Variants in ZNF485 observed in about 807,000 individuals in gnomAD.
ZNF485 encodes the protein zinc finger protein 485, also known as Zinc finger protein 93 (Zinc finger protein HTF34).
A neutral mutation model predicts 10.8 loss-of-function variants in ZNF485; 9 were observed. The ratio of observed to expected loss-of-function variants is 0.83; its 90% CI spans 0.50 to 1.45. The LOEUF is 1.45. ZNF485 is among the 40% of genes most tolerant of loss of function. The pLI, the probability that ZNF485 is intolerant of heterozygous loss-of-function variation, is 0.00. For synonymous variants in ZNF485, 187 were observed against 181.0 expected (o/e 1.03, Z -0.27); for missense variants, 487 against 528.0 (o/e 0.92, Z 0.76).
intron 4 of ZNF485, among the ~76,000 whole-genome samples, chr10:43,610,109 C>T (rs1031825186): frequency 1.3e-5 from 2 of 152,162 alleles, no homozygotes; most frequent in African/African-American, 4.8e-5. Flanking sequence ...CAGGTAATTG[C>T]GATTTTTGGC....
chr10:43,606,482 G>T lies in ZNF485; in HGVS notation c.-119G>T. The T allele has an allele frequency of 5.2e-6, 2 of 387,684 alleles. No homozygotes were observed. The highest frequency in any genetic ancestry group is 3.9e-5 in the Admixed American group (1 of 25,682). 24.0% of individuals were successfully genotyped at this position (387,684 alleles called of 1,614,324 possible). A position where few individuals can be genotyped will look rare whatever the true frequency, so the allele number is the denominator to read the frequency against. On this transcript the variant is annotated 5_prime_UTR_variant, in exon 1 of 5. Transcript: ENST00000361807. Reference sequence around the variant, plus strand: ...AGCCCCTGGCTGGTGGTTACTGTCCGAACGGCGTGGTGTGGTCGCTGACTC... The same window carrying T: ...AGCCCCTGGCTGGTGGTTACTGTCCTAACGGCGTGGTGTGGTCGCTGACTC...
rs1588841309 is a variant in ZNF485, at chr10:43,613,376, T to C, written c.248-2915T>C. 3.6e-5 allele frequency among the ~76,000 whole-genome samples: 5 copies of C among 138,158 alleles called. No homozygotes were observed. The South Asian group carries it at 1.1e-3, about 32-fold the overall frequency. 90.6% of individuals were successfully genotyped at this position (138,158 alleles called of 152,430 possible). On this transcript the variant is annotated intron_variant, in intron 4 of 4. Coordinates refer to ENST00000361807, the MANE Select transcript of ZNF485 (RefSeq NM_145312.4). ...TTTTTGGTCTGGCTTATGCATAACA[T>C]GTTTTCAAATTCATTTTTAGTTATT...
rs779602930 is a variant in ZNF485 at position 43,616,535 on chromosome 10, G to GA, written c.493dup (p.Ile165AsnfsTer14). ...AACCACATAAATGTAAAGAATGTGG[G>GA]ATCGCCTTTATGAACAGTTCATCCC... On this transcript the variant is annotated frameshift_variant, in exon 5 of 5. Coordinates refer to ENST00000361807, the MANE Select transcript of ZNF485 (RefSeq NM_145312.4). LOFTEE classifies it low-confidence loss of function (END_TRUNC). 15 of 1,614,164 alleles carry GA rather than the reference G, an allele frequency of 9.3e-6. No homozygotes were observed. Among genetic ancestry groups the GA allele is most frequent in the Non-Finnish European group, 1.2e-5 (14 of 1,180,018 alleles).
intron 2 of ZNF485, 151 bp from the exon 3 acceptor site, chr10:43,608,463 C>A: frequency 3.0e-6 from 3 of 998,990 alleles, no homozygotes; most frequent in Non-Finnish European, 4.4e-6. Flanking sequence ...AGGGAGGAGT[C>A]GCACATCCCC....
At chr10:43,612,451 T>C (rs971866743) in intron 4 of ZNF485, among the ~76,000 whole-genome samples, 5 of 152,210 alleles carry the variant, frequency 3.3e-5, no homozygotes, top group East Asian at 3.8e-4. Context: ...CCCTAAAGGT[T>C]TGGGTCCTTT....
intron 4 of ZNF485, among the ~76,000 whole-genome samples, chr10:43,615,554 A>T (rs1435489510): frequency 1.3e-5 from 2 of 152,056 alleles, no homozygotes; most frequent in African/African-American, 2.4e-5. Flanking sequence ...GGCATGTGCT[A>T]CCATGCCTGG....
chr10:43,613,734 A>T (rs191877067), intron 4 of ZNF485, among the ~76,000 whole-genome samples: 243 of 152,332 alleles, frequency 1.6e-3, no homozygotes, highest in Middle Eastern at 6.8e-3. Context: ...TTAGTATATA[A>T]TGTCAGATAA....
intron 4 of ZNF485, among the ~76,000 whole-genome samples, chr10:43,611,721 T>C (rs968680387): frequency 3.9e-5 from 6 of 152,328 alleles, no homozygotes; most frequent in Non-Finnish European, 5.9e-5. Context: ...ATTATAATTT[T>C]AATTTGCCTT....
rs956183437 is a variant in ZNF485, at chr10:43,607,005, A to C, written c.-46A>C. On this transcript the variant is annotated 5_prime_UTR_variant, in exon 2 of 5. Coordinates refer to ENST00000361807, the MANE Select transcript of ZNF485 (RefSeq NM_145312.4). ...CCTCTCTTCTTTCCCAGATTGACTT[A>C]CGCAGGATTCTCAGCCCTTGCCTGG... The C allele has an allele frequency of 4.8e-5, 75 of 1,551,250 alleles. No individual in the cohort carries two copies. The highest frequency in any genetic ancestry group is 6.1e-5 in the Non-Finnish European group (70 of 1,146,672).
chr10:43,609,276 A>G lies in ZNF485; in HGVS notation c.173A>G (p.Lys58Arg). The G allele has an allele frequency of 6.2e-7, 1 of 1,613,770 alleles. No individual in the cohort carries two copies. The highest frequency in any genetic ancestry group is 8.5e-7 in the Non-Finnish European group (1 of 1,179,860). The change falls in exon 4 of 5, where the codon AAA (lysine) becomes AGA (arginine). Residue 58 changes from lysine (K) to arginine (R), a missense_variant. Transcript: ENST00000361807. ...ACAGGGCTTCTCTCTTCCAAACCAA[A>G]ACTAATTACTCAGTTGGAGCAAGGG... ...VSVGLLSSKPKLITQLEQGAE... is the reference protein window; with the variant it reads ...VSVGLLSSKPRLITQLEQGAE...
rs578188454 is a variant in ZNF485, at chr10:43,607,389, T to C, written c.24+315T>C. On this transcript the variant is annotated intron_variant, in intron 2 of 4. Coordinates refer to ENST00000361807, the MANE Select transcript of ZNF485 (RefSeq NM_145312.4). ...GTGATAGCAGTGCTCTCTTGACCTT[T>C]AGTGTGTGGTAGGGTGGGAGGGGTG... 3 of 456,652 alleles carry C rather than the reference T, an allele frequency of 6.6e-6. No individual in the cohort carries two copies. In the East Asian group the frequency reaches 1.1e-4, roughly 16 times the overall value. 28.3% of individuals were successfully genotyped at this position (456,652 alleles called of 1,614,324 possible).
Position 43,617,126 on chromosome 10 carries a change from G to T in ZNF485, c.1083G>T (p.Lys361Asn). 1 of 1,614,094 alleles carries T rather than the reference G, an allele frequency of 6.2e-7. No individual in the cohort carries two copies. Among genetic ancestry groups the T allele is most frequent in the Non-Finnish European group, 8.5e-7 (1 of 1,180,022 alleles). The change falls in exon 5 of 5, where the codon AAG (lysine) becomes AAT (asparagine). Residue 361 changes from lysine to asparagine, a missense_variant. Transcript: ENST00000361807. The stretch of plus-strand genomic sequence containing the variant: ...CGTATCAGTGTCGTGACTGTGGGAA[G>T]GCCTTTACAAAGAGCTCAACCCTTA... The part of the protein sequence containing the change: ...NKPYQCRDCG[K>N]AFTKSSTLTG...
At chr10:43,607,126 GGTTTAT>G (rs771526655) in intron 2 of ZNF485, 52 bp downstream of exon 2, 354 of 1,548,524 alleles carry the variant, frequency 2.3e-4, no homozygotes, top group Non-Finnish European at 2.8e-4. Context: ...AGCGAGGTGG[GGTTTAT>G]GCCTCTTGCC....
intron 2 of ZNF485, among the ~76,000 whole-genome samples, chr10:43,608,345 G>A (rs1838694718): frequency 6.6e-6 from 1 of 152,168 alleles, no homozygotes. Context: ...GCAGAGGATG[G>A]GGTGGAGAAA....
At position 43,609,906 on chromosome 10, in the gene ZNF485, G is replaced by A. The variant is rs73260721; in HGVS notation, c.247+556G>A. Among the ~76,000 whole-genome samples the A allele has an allele frequency of 5.3e-3, 799 of 152,150 alleles. 6 individuals are homozygous for A. Among genetic ancestry groups the A allele is most frequent in the African/African-American group, 0.018 (760 of 41,518 alleles). ...CGCTATATTAGTCACGGCTGGTCTC[G>A]AACTCCTGGCCTCAAGTGGTCCTTC... is the stretch of plus-strand genomic sequence containing the variant. On this transcript the variant is annotated intron_variant, in intron 4 of 4. Transcript: ENST00000361807.
intron 4 of ZNF485, among the ~76,000 whole-genome samples, chr10:43,614,715 T>G (rs1467165937): frequency 1.3e-5 from 2 of 152,136 alleles, no homozygotes; most frequent in African/African-American, 2.4e-5. Context: ...ATTATTTTTG[T>G]GATTTTAATA....
intron 2 of ZNF485, 140 bp downstream of exon 2, chr10:43,607,214 C>T: frequency 2.1e-6 from 2 of 931,344 alleles, no homozygotes. Flanking sequence ...CGATTTCCGT[C>T]CTGTCTACCC....
chr10:43,612,963 A>G (rs1187695012), intron 4 of ZNF485, among the ~76,000 whole-genome samples: 1 of 152,088 alleles, frequency 6.6e-6, no homozygotes, highest in Admixed American at 6.5e-5. Flanking sequence ...AACTTTGTCT[A>G]TGTAATGTTT....
rs530047403 is a variant in ZNF485, at chr10:43,610,140, A to G, written c.247+790A>G. ...TTGGCAAACACATTGTTGGGGAAGCATTTTCTTTCCTTTTCTTAGGGATCT... is the reference window on the plus strand; with the variant it reads ...TTGGCAAACACATTGTTGGGGAAGCGTTTTCTTTCCTTTTCTTAGGGATCT... On this transcript the variant is annotated intron_variant, in intron 4 of 4. Transcript: ENST00000361807. Among the ~76,000 whole-genome samples, 3 of 151,832 alleles carry G rather than the reference A, an allele frequency of 2.0e-5. No individual in the cohort carries two copies. The South Asian group carries it at 6.2e-4, about 32-fold the overall frequency.
Sources: allele counts gnomAD v4.1 joint callset (sites outside exome capture counted in the v4.1 genomes callset), GRCh38; gene constraint gnomAD v4.1.1; transcripts MANE v1.5; gene names NCBI Gene and HGNC (gene_info 2026-07-23, HGNC 2026-07-21).